Variants in MICAL3 observed in about 807,000 individuals in gnomAD.
MICAL3 encodes the protein [F-actin]-monooxygenase MICAL3.
A neutral mutation model predicts 207.4 loss-of-function variants in MICAL3; 62 were observed. The ratio of observed to expected loss-of-function variants is 0.30; its 90% CI spans 0.24 to 0.37. MICAL3 has a LOEUF of 0.37. Among genes scored for constraint, MICAL3 ranks in the 10% least tolerant of loss-of-function variants. MICAL3 has a pLI of 1.00. For missense variants in MICAL3, 2,368 were observed against 2,635.6 expected (o/e 0.90, Z 2.22); for synonymous variants, 1,077 against 1,069.3 (o/e 1.01, Z -0.14).
intron 24 of MICAL3, 141 bp from the exon 25 acceptor site, chr22:17,821,650 C>G (rs1264664217): frequency 1.4e-6 from 1 of 712,340 alleles, no homozygotes; most frequent in East Asian, 2.9e-5. Context: ...CTGGAAAGCA[C>G]AGGTTCTCTC....
chr22:17,848,459 G>A (rs1924874228), intron 19 of MICAL3, among the ~76,000 whole-genome samples: 1 of 152,228 alleles, frequency 6.6e-6, no homozygotes, highest in African/African-American at 2.4e-5. Context: ...CAGGCCTATG[G>A]AATGTATGAA....
intron 16 of MICAL3, among the ~76,000 whole-genome samples, chr22:17,879,554 C>T (rs890496819): frequency 1.3e-5 from 2 of 152,250 alleles, no homozygotes; most frequent in African/African-American, 4.8e-5. Context: ...ATAATCCCAT[C>T]TGTATCAAAT....
rs758141881 is a variant in MICAL3 at position 17,842,004 on chromosome 22, G to A, written c.2619C>T (p.Asn873=). The change falls in exon 20 of 32, where the codon AAC becomes AAT. Residue 873 remains asparagine (N), a synonymous_variant. Transcript: ENST00000441493. ...STERTPGSGV[N]GLEEPSIAKR... ...TGGCGATGCTGGGCTCCTCCAGGCC[G>A]TTCACGCCTGAACCTGCGGGACAAG... The A allele has an allele frequency of 2.1e-5, 33 of 1,602,130 alleles. No homozygotes were observed. In the Admixed American group the frequency reaches 3.8e-4, roughly 19 times the overall value.
chr22:17,960,058 G>A (rs1414112891), intron 1 of MICAL3, among the ~76,000 whole-genome samples: 3 of 152,236 alleles, frequency 2.0e-5, no homozygotes, highest in Middle Eastern at 3.2e-3. Context: ...TCAGCCTCAT[G>A]GGGACACAGG....
In MICAL3 at chr22:17,902,454, CCCA is replaced by C. The variant is rs1931402239; in HGVS notation, c.589+174_589+176del. Among the ~76,000 whole-genome samples, 1 of 152,190 alleles carries C rather than the reference CCCA, an allele frequency of 6.6e-6. No individual in the cohort carries two copies. The highest frequency in any genetic ancestry group is 2.1e-4 in the South Asian group (1 of 4,826). On this transcript the variant is annotated intron_variant, in intron 4 of 31. Transcript: ENST00000441493. The surrounding 1 kb of genome is among the most constrained non-coding windows in gnomAD (Gnocchi z 4.5). ...CTTGCAGAGGGCTCACGGGGCCCTT[CCCA>C]CCACATGTGCGCCTGCGACATCTAA...
At chr22:17,951,639 A>C (rs185012886) in intron 1 of MICAL3, among the ~76,000 whole-genome samples, 155 of 152,206 alleles carry the variant, frequency 1.0e-3, no homozygotes, top group Non-Finnish European at 1.7e-3. Context: ...TCCATTATGG[A>C]ATAACTAGAG....
intron 19 of MICAL3, chr22:17,864,529 C>G: frequency 7.0e-7 from 1 of 1,436,008 alleles, no homozygotes. Context: ...GTGATGGGAG[C>G]AGTGTCTGAG....
chr22:18,006,073 T>G (rs1460857679), intron 1 of MICAL3: 1 of 152,200 alleles, frequency 6.6e-6, no homozygotes, highest in Non-Finnish European at 1.5e-5. Context: ...CATAGCTCTC[T>G]CTTTTCTCAT....
chr22:17,848,020 C>T (rs1048091930), intron 19 of MICAL3, among the ~76,000 whole-genome samples: 2 of 152,124 alleles, frequency 1.3e-5, no homozygotes, highest in South Asian at 2.1e-4. Flanking sequence ...CCTTCCCTGC[C>T]CCGATCTTCT....
chr22:17,828,550 A>C (rs1601991068), intron 21 of MICAL3, among the ~76,000 whole-genome samples: 1 of 152,072 alleles, frequency 6.6e-6, no homozygotes, highest in East Asian at 1.9e-4. Context: ...AAACCCTTGG[A>C]ATTTCACAGG....
intron 19 of MICAL3, among the ~76,000 whole-genome samples, chr22:17,855,655 C>A (rs151293734): frequency 3.9e-5 from 6 of 152,308 alleles, no homozygotes; most frequent in African/African-American, 1.2e-4. Context: ...ACAGTCAATT[C>A]GGATGGTTGT....
intron 17 of MICAL3, among the ~76,000 whole-genome samples, chr22:17,870,467 A>G (rs1245118192): frequency 6.6e-6 from 1 of 152,210 alleles, no homozygotes; most frequent in Admixed American, 6.5e-5. Context: ...GGAGGCACAC[A>G]TTACACTTCT....
intron 2 of MICAL3, among the ~76,000 whole-genome samples, 196 bp from the exon 3 acceptor site, chr22:17,905,035 C>T (rs536052478): frequency 6.6e-6 from 1 of 152,362 alleles, no homozygotes; most frequent in South Asian, 2.1e-4. Context: ...TGATCACCAC[C>T]ATGAATGGAG....
intron 1 of MICAL3, among the ~76,000 whole-genome samples, chr22:18,017,243 C>T (rs1159437184): frequency 3.3e-5 from 5 of 149,494 alleles, no homozygotes; most frequent in African/African-American, 9.8e-5. Flanking sequence ...GACGGAGTCT[C>T]GCTCTTCTTG....
Position 17,816,777 on chromosome 22 carries a change from C to G in MICAL3, c.5358G>C (p.Gln1786His). The part of the protein sequence containing the change: ...RVLPVVRAEL[Q>H]LRRQLSFSED... ...CGGAGAAGCTCAGCTGGCGCCGGAG[C>G]TGCAGCTCTGTGGAGAGAGGGAGGC... The change falls in exon 27 of 32, where the codon CAG (glutamine) becomes CAC (histidine). Residue 1786 changes from glutamine to histidine, a missense_variant. Physicochemically the swap from Gln to His is conservative, Grantham distance 24 (BLOSUM62 0). Around this residue, in one of 4 missense-constraint regions of MICAL3, gnomAD observed 1,770 missense variants for 1,863.2 expected, o/e 0.95. Transcript: ENST00000441493. The G allele has an allele frequency of 3.2e-6, 5 of 1,550,258 alleles. No individual in the cohort carries two copies. The South Asian group carries it at 5.9e-5, about 18-fold the overall frequency.
chr22:17,870,630 G>A (rs1162396189), intron 17 of MICAL3, among the ~76,000 whole-genome samples: 1 of 152,188 alleles, frequency 6.6e-6, no homozygotes, highest in African/African-American at 2.4e-5. Context: ...GGACAGCTCA[G>A]CGAGGTTGGG....
intron 1 of MICAL3, among the ~76,000 whole-genome samples, chr22:17,931,833 T>G (rs959150771): frequency 1.3e-5 from 2 of 152,224 alleles, no homozygotes; most frequent in African/African-American, 4.8e-5. Flanking sequence ...CCACAGCAGC[T>G]GTGTGTCAGG....
chr22:17,796,224 C>G lies in MICAL3; in HGVS notation c.5651-4923G>C, dbSNP rs2061875302. ...ACACTCGGGGGCACATCTGCTCCAT[C>G]TTTCCCTCTGAAGCAGCACTTCCTT... On this transcript the variant is annotated intron_variant, in intron 29 of 31. Coordinates refer to ENST00000441493, the MANE Select transcript of MICAL3 (RefSeq NM_015241.3). The surrounding 1 kb of genome is among the most constrained non-coding windows in gnomAD (Gnocchi z 4.4). Among the ~76,000 whole-genome samples the G allele has an allele frequency of 6.6e-6, 1 of 152,262 alleles. No homozygotes were observed. The highest frequency in any genetic ancestry group is 6.5e-5 in the Admixed American group (1 of 15,294).
chr22:17,858,855 T>C (rs1017268197), intron 19 of MICAL3, among the ~76,000 whole-genome samples: 1 of 152,180 alleles, frequency 6.6e-6, no homozygotes. Flanking sequence ...CTCCCCTTTA[T>C]TACTGGGGGA....
Sources: allele counts gnomAD v4.1 joint callset (sites outside exome capture counted in the v4.1 genomes callset), GRCh38; gene constraint gnomAD v4.1.1; regional missense constraint gnomAD v4.1.1; non-coding constraint Gnocchi (gnomAD v3.1); transcripts MANE v1.5; gene names NCBI Gene and HGNC (gene_info 2026-07-23, HGNC 2026-07-21).